Variants in SRGAP2B observed in about 807,000 individuals in gnomAD.
SRGAP2B encodes SLIT-ROBO Rho GTPase activating protein 2B, also known as SLIT-ROBO Rho GTPase-activating protein 2B.
In SRGAP2B, 9 loss-of-function variants were observed where a neutral mutation model predicts 22.2. That is an observed-to-expected ratio of 0.41 (90% CI 0.24 to 0.71). SRGAP2B has a LOEUF of 0.71. Among genes scored for constraint, SRGAP2B ranks in the 30% least tolerant of loss-of-function variants. The pLI, the probability that SRGAP2B is intolerant of heterozygous loss-of-function variation, is 0.35. For synonymous variants in SRGAP2B, 36 were observed against 87.4 expected, an observed-to-expected ratio of 0.41 and a Z score of 3.28; for missense variants, 114 against 235.8, an observed-to-expected ratio of 0.48 and a Z score of 3.38.
chr1:145,007,528 C>T (rs1570993471), intron 2 of SRGAP2B, among the ~76,000 whole-genome samples: 1 of 150,758 alleles, frequency 6.6e-6, no homozygotes, highest in East Asian at 1.9e-4. Flanking sequence ...AAAGTCCATG[C>T]CATCATCTAG....
chr1:144,963,107 C>G (rs1667798833), intron 3 of SRGAP2B, among the ~76,000 whole-genome samples: 1 of 151,004 alleles, frequency 6.6e-6, no homozygotes, highest in Non-Finnish European at 1.5e-5. Context: ...TTCTGTAGAC[C>G]TGGGACCTTC....
At chr1:145,019,963 G>A in intron 2 of SRGAP2B, among the ~76,000 whole-genome samples, 1 of 151,022 alleles carries the variant, frequency 6.6e-6, no homozygotes, top group Admixed American at 6.6e-5. Context: ...TGAGCCTTAG[G>A]GCTCCACCTT....
intron 2 of SRGAP2B, among the ~76,000 whole-genome samples, chr1:145,023,201 AAAG>A (rs1358272035): frequency 7.2e-6 from 1 of 139,582 alleles, no homozygotes; most frequent in African/African-American, 2.7e-5. Flanking sequence ...AAAAAATTAA[AAAG>A]AAGGCAATGA....
intron 5 of SRGAP2B, among the ~76,000 whole-genome samples, chr1:144,911,877 C>T (rs1292451347): frequency 2.1e-5 from 3 of 143,480 alleles, no homozygotes; most frequent in Non-Finnish European, 4.5e-5. Flanking sequence ...CCTCAGCCTC[C>T]CAAAGTGCTG....
intron 3 of SRGAP2B, among the ~76,000 whole-genome samples, chr1:144,976,675 G>A (rs1553614265): frequency 6.9e-6 from 1 of 144,346 alleles, no homozygotes; most frequent in Non-Finnish European, 1.5e-5. Context: ...GAACGATGGG[G>A]ACATATCAAT....
chr1:144,945,463 T>C (rs1666426015), intron 4 of SRGAP2B, among the ~76,000 whole-genome samples: 1 of 151,756 alleles, frequency 6.6e-6, no homozygotes, highest in South Asian at 2.1e-4. Flanking sequence ...CTCACGCCTG[T>C]AATCCCACCA....
intron 5 of SRGAP2B, among the ~76,000 whole-genome samples, chr1:144,913,662 A>ACAG (rs1345050802): frequency 9.8e-6 from 1 of 101,576 alleles, no homozygotes; most frequent in Non-Finnish European, 1.9e-5. Flanking sequence ...TGCCATGACA[A>ACAG]AATGGCCACA....
chr1:144,928,319 G>C (rs1220620432), intron 4 of SRGAP2B, among the ~76,000 whole-genome samples: 3 of 143,108 alleles, frequency 2.1e-5, no homozygotes, highest in African/African-American at 8.0e-5. Flanking sequence ...GACACATTTT[G>C]TTTAAATTGT....
intron 4 of SRGAP2B, among the ~76,000 whole-genome samples, chr1:144,920,322 G>A (rs1321520294): frequency 4.7e-5 from 7 of 150,284 alleles, no homozygotes; most frequent in South Asian, 2.1e-4. Context: ...CTAGAATGCA[G>A]TGGCCTGATC....
intron 4 of SRGAP2B, among the ~76,000 whole-genome samples, chr1:144,921,465 A>AT (rs1664249477): frequency 7.7e-6 from 1 of 130,312 alleles, no homozygotes; most frequent in African/African-American, 3.1e-5. Flanking sequence ...TGTAAGCACC[A>AT]TAAAAAACAA....
rs192655662 is a variant in SRGAP2B at position 144,975,715 on chromosome 1, G to A, written c.260+19293C>T. 1.9e-3 allele frequency among the ~76,000 whole-genome samples: 288 copies of A among 149,702 alleles called. 6 individuals carry two copies. Among genetic ancestry groups the A allele is most frequent in the Non-Finnish European group, 3.2e-3 (220 of 67,860 alleles). On this transcript the variant is annotated intron_variant, in intron 3 of 9. Transcript: ENST00000612199. Reference sequence around the variant, plus strand: ...CTGGACTCAGGTATTCTGTTATGGCGACATAAAACAGACTAAGATAGGAAA... The same window carrying A: ...CTGGACTCAGGTATTCTGTTATGGCAACATAAAACAGACTAAGATAGGAAA...
In SRGAP2B at chr1:144,905,236, A is replaced by G; in HGVS notation, c.703-17T>C. 2 of 773,072 alleles carry G rather than the reference A, an allele frequency of 2.6e-6. No homozygotes were observed. Among genetic ancestry groups the G allele is most frequent in the South Asian group, 1.4e-5 (1 of 72,010 alleles). 47.9% of individuals were successfully genotyped at this position (773,072 alleles called of 1,614,324 possible). On this transcript the variant is annotated splice_polypyrimidine_tract_variant and intron_variant, in intron 6 of 9. Transcript: ENST00000612199. ...GGCTTGGCGCTGAAAAGGAAACAGA[A>G]GTTCACTTTTACCTTTTTTTTTTAA...
At position 144,925,214 on chromosome 1, in the gene SRGAP2B, G is replaced by A. The variant is rs587772940; in HGVS notation, c.424-10460C>T. On this transcript the variant is annotated intron_variant, in intron 4 of 9. Transcript: ENST00000612199. The stretch of plus-strand genomic sequence containing the variant: ...GACAGAGAGTTTCACTATTTTGGCC[G>A]GGATGATCTCGAACTCCTGACCTCA... 2.1e-3 allele frequency among the ~76,000 whole-genome samples: 319 copies of A among 150,138 alleles called. 4 individuals carry two copies. The highest frequency in any genetic ancestry group is 3.5e-3 in the Non-Finnish European group (238 of 67,916).
At chr1:144,969,405 A>G (rs1172062238) in intron 3 of SRGAP2B, among the ~76,000 whole-genome samples, 1 of 118,318 alleles carries the variant, frequency 8.5e-6, no homozygotes, top group Non-Finnish European at 1.7e-5. Context: ...AGGATTCCCT[A>G]TTTAATAAAT....
chr1:144,964,789 C>T (rs1342809946), intron 3 of SRGAP2B, among the ~76,000 whole-genome samples: 12 of 150,612 alleles, frequency 8.0e-5, no homozygotes, highest in African/African-American at 1.2e-4. Context: ...TATGGTGACA[C>T]GTGCCTGTAC....
chr1:144,919,928 G>A (rs1553604129), intron 4 of SRGAP2B: 2 of 148,934 alleles, frequency 1.3e-5, no homozygotes, highest in East Asian at 2.0e-4. Context: ...GTGGGTTCTT[G>A]GTCTCACTGA....
exon 10 of SRGAP2B, chr1:144,891,598 A>AG (rs1348408050): frequency 7.4e-6 from 1 of 135,306 alleles, no homozygotes; most frequent in Admixed American, 7.2e-5. Flanking sequence ...AAAAAAAAAG[A>AG]GAAAAAAGGG....
intron 2 of SRGAP2B, among the ~76,000 whole-genome samples, chr1:145,047,134 C>A (rs1238339192): frequency 2.9e-5 from 4 of 136,088 alleles, no homozygotes; most frequent in Non-Finnish European, 6.2e-5. Flanking sequence ...CAAGATCGCA[C>A]CACTGCACCC....
chr1:144,924,774 G>A (rs1274232335), intron 4 of SRGAP2B, among the ~76,000 whole-genome samples: 24 of 143,100 alleles, frequency 1.7e-4, no homozygotes, highest in African/African-American at 6.0e-4. Flanking sequence ...ACCCGCAGTT[G>A]TCAGGCGCAG....
Sources: gnomAD v4.1 joint callset for allele counts (sites outside exome capture counted in the v4.1 genomes callset) on GRCh38, gnomAD v4.1.1 for gene constraint, MANE v1.5 for transcripts, NCBI Gene and HGNC (gene_info 2026-07-23, HGNC 2026-07-21) for gene names.